CNTLN: variants seen among roughly 807,000 people sequenced by gnomAD.
CNTLN encodes the protein centlein, centrosomal protein.
A neutral mutation model predicts 180.0 loss-of-function variants in CNTLN; 212 were observed. That is an observed-to-expected ratio of 1.18 (90% CI 1.05 to 1.32). The LOEUF is 1.32. Ranked by LOEUF, CNTLN falls within the 40% of genes most tolerant of loss-of-function variation. The probability of loss-of-function intolerance (pLI) is 0.00; values close to 1 mark genes in which losing one functional copy is unlikely to be tolerated. For missense variants in CNTLN, 2,095 were observed against 1,610.9 expected, an observed-to-expected ratio of 1.30 and a Z score of -5.14; for synonymous variants, 722 against 563.1, an observed-to-expected ratio of 1.28 and a Z score of -3.99.
At chr9:17,330,466 T>C (rs947018887) in intron 8 of CNTLN, among the ~76,000 whole-genome samples, 166 bp from the exon 9 acceptor site, 1 of 152,058 alleles carries the variant, frequency 6.6e-6, no homozygotes, top group Non-Finnish European at 1.5e-5. Flanking sequence ...AATACTATTC[T>C]ATGGAATGAA....
intron 2 of CNTLN, among the ~76,000 whole-genome samples, chr9:17,196,550 C>T (rs1822145035): frequency 6.6e-6 from 1 of 151,894 alleles, no homozygotes; most frequent in Non-Finnish European, 1.5e-5. Flanking sequence ...TAAGGAATGA[C>T]ATTTATTTTT....
chr9:17,525,322 G>A, the CNTLN span, among the ~76,000 whole-genome samples: 1 of 152,080 alleles, frequency 6.6e-6, no homozygotes, highest in Non-Finnish European at 1.5e-5. Flanking sequence ...TAAAAGAAAG[G>A]TAAAGTCACT....
At chr9:17,309,976 C>A (rs531798010) in intron 8 of CNTLN, among the ~76,000 whole-genome samples, 13 of 151,948 alleles carry the variant, frequency 8.6e-5, no homozygotes, top group African/African-American at 1.2e-4. Context: ...TGCTAATTAA[C>A]CTTATGACAA....
intron 6 of CNTLN, among the ~76,000 whole-genome samples, chr9:17,281,866 C>T (rs1828685560): frequency 6.6e-6 from 1 of 152,246 alleles, no homozygotes; most frequent in Non-Finnish European, 1.5e-5. Context: ...AATCGCCACA[C>T]TGTCTTCCAC....
intron 2 of CNTLN, among the ~76,000 whole-genome samples, chr9:17,190,917 C>A (rs559089112): frequency 4.4e-4 from 67 of 152,132 alleles, no homozygotes; most frequent in Non-Finnish European, 8.2e-4. Flanking sequence ...TATTATAATT[C>A]ATAGTCATTT....
At chr9:17,481,376 C>T (rs1832637314) in intron 23 of CNTLN, among the ~76,000 whole-genome samples, 1 of 152,226 alleles carries the variant, frequency 6.6e-6, no homozygotes, top group Admixed American at 6.5e-5. Flanking sequence ...GCGCAGAGCA[C>T]ATCAACAGCC....
At position 17,464,419 on chromosome 9, in the gene CNTLN, A is replaced by C. The variant is rs1024087225; in HGVS notation, c.3405-78A>C. 12 of 1,247,176 alleles carry C rather than the reference A, an allele frequency of 9.6e-6. No homozygotes were observed. The African/African-American group carries it at 1.1e-4, about 12-fold the overall frequency. 77.3% of individuals were successfully genotyped at this position (1,247,176 alleles called of 1,614,324 possible). A position where few individuals can be genotyped will look rare whatever the true frequency, so the allele number is the denominator to read the frequency against. On this transcript the variant is annotated intron_variant, in intron 20 of 25. Transcript: ENST00000380647. Reference sequence around the variant, plus strand: ...CATTTAAAAAGTAACAGTAGGTATAATATTGGATAAAATGTAAGATATCAC... The same window carrying C: ...CATTTAAAAAGTAACAGTAGGTATACTATTGGATAAAATGTAAGATATCAC...
At chr9:17,320,650 G>A (rs1819847014) in intron 8 of CNTLN, among the ~76,000 whole-genome samples, 1 of 151,640 alleles carries the variant, frequency 6.6e-6, no homozygotes, top group South Asian at 2.1e-4. Flanking sequence ...TTACAGGCAC[G>A]AGCCTCCACA....
chr9:17,206,216 T>C (rs577103161), intron 2 of CNTLN, among the ~76,000 whole-genome samples: 1 of 152,310 alleles, frequency 6.6e-6, no homozygotes, highest in East Asian at 1.9e-4. Flanking sequence ...TAATCCAACC[T>C]GGACTTTTTT....
At chr9:17,480,605 C>T (rs1441604198) in intron 23 of CNTLN, among the ~76,000 whole-genome samples, 1 of 152,130 alleles carries the variant, frequency 6.6e-6, no homozygotes, top group Non-Finnish European at 1.5e-5. Context: ...ACAGAAACTA[C>T]TGACATCTTA....
chr9:17,363,819 G>A (rs1195292054), intron 12 of CNTLN, among the ~76,000 whole-genome samples: 1 of 151,698 alleles, frequency 6.6e-6, no homozygotes, highest in Non-Finnish European at 1.5e-5. Flanking sequence ...CTTCATCACT[G>A]CTTATTTTGT....
intron 6 of CNTLN, among the ~76,000 whole-genome samples, chr9:17,279,765 C>T (rs1383184901): frequency 1.3e-5 from 2 of 151,754 alleles, no homozygotes; most frequent in African/African-American, 2.4e-5. Context: ...AGCATCACTG[C>T]AATGGTTTGA....
At chr9:17,255,420 G>GT (rs1304948014) in intron 5 of CNTLN, among the ~76,000 whole-genome samples, 2 of 151,114 alleles carry the variant, frequency 1.3e-5, no homozygotes, top group Admixed American at 6.6e-5. Flanking sequence ...CTTGTCAAAT[G>GT]TTTTTTCTGT....
intron 5 of CNTLN, among the ~76,000 whole-genome samples, chr9:17,273,336 T>C (rs1179935717): frequency 6.6e-6 from 1 of 152,186 alleles, no homozygotes; most frequent in East Asian, 1.9e-4. Flanking sequence ...GAAATGTATC[T>C]GTGTATTTGC....
chr9:17,246,644 GC>G (rs1825811352), intron 5 of CNTLN, among the ~76,000 whole-genome samples: 1 of 152,158 alleles, frequency 6.6e-6, no homozygotes, highest in African/African-American at 2.4e-5. Context: ...CGGCAAGTTT[GC>G]CCTGGCCATG....
intron 6 of CNTLN, among the ~76,000 whole-genome samples, chr9:17,294,259 G>C (rs960537629): frequency 2.0e-5 from 3 of 152,186 alleles, no homozygotes; most frequent in Admixed American, 6.5e-5. Context: ...TGCCACTGCT[G>C]GCTCTGGCAG....
intron 2 of CNTLN, among the ~76,000 whole-genome samples, chr9:17,191,608 C>A (rs913379068): frequency 3.9e-5 from 6 of 152,014 alleles, no homozygotes; most frequent in Admixed American, 3.9e-4. Context: ...TCTTAAGAAC[C>A]TGAGTTAGTA....
chr9:17,257,639 T>C (rs62558302), intron 5 of CNTLN, among the ~76,000 whole-genome samples: 1 of 151,490 alleles, frequency 6.6e-6, no homozygotes, highest in Non-Finnish European at 1.5e-5. Flanking sequence ...CCAGCACCTG[T>C]TGTTTCCTGA....
rs529361340 is a variant in CNTLN at position 17,228,814 on chromosome 9, T to C, written c.534+2527T>C. ...ACTTGATAGTAATTCTGAAAATGAC[T>C]CTTAGGTTTTCAGCTTAGAGAAACC... On this transcript the variant is annotated intron_variant, in intron 3 of 25. Coordinates refer to ENST00000380647, the MANE Select transcript of CNTLN (RefSeq NM_017738.4). 3.9e-5 allele frequency among the ~76,000 whole-genome samples: 6 copies of C among 152,222 alleles called. No homozygotes were observed. The East Asian group carries it at 9.7e-4, about 25-fold the overall frequency.
Sources: allele counts gnomAD v4.1 joint callset (sites outside exome capture counted in the v4.1 genomes callset), GRCh38; gene constraint gnomAD v4.1.1; transcripts MANE v1.5; gene names NCBI Gene and HGNC (gene_info 2026-07-23, HGNC 2026-07-21).